The following AGTPBP1 variants were observed in gnomAD, a reference collection of about 807,000 sequenced individuals.
AGTPBP1 encodes the protein cytosolic carboxypeptidase 1.
In AGTPBP1, 70 loss-of-function variants were observed where a neutral mutation model predicts 143.9. That is an observed-to-expected ratio of 0.49 (90% confidence interval 0.40 to 0.59). AGTPBP1 has a LOEUF of 0.59. Among genes scored for constraint, AGTPBP1 ranks in the 20% least tolerant of loss-of-function variants. The probability of loss-of-function intolerance (pLI) is 0.00; values close to 1 mark genes in which losing one functional copy is unlikely to be tolerated. For synonymous variants in AGTPBP1, 463 were observed against 500.2 expected (o/e 0.93, Z 0.99); for missense variants, 1,229 against 1,464.5 (o/e 0.84, Z 2.62).
At position 85,683,817 on chromosome 9, in the gene AGTPBP1, T is replaced by C. The variant is rs947923994; in HGVS notation, c.158-2482A>G. ...AACATTTCTATTCATCTTTCCTTTATAAAGACTATATAAACCTCACTGTCA... is the reference window on the plus strand; with the variant it reads ...AACATTTCTATTCATCTTTCCTTTACAAAGACTATATAAACCTCACTGTCA... On this transcript the variant is annotated intron_variant, in intron 3 of 25. Transcript: ENST00000357081. Among the ~76,000 whole-genome samples, 5 of 152,258 alleles carry C rather than the reference T, an allele frequency of 3.3e-5. No homozygotes were observed. In the Middle Eastern group the frequency reaches 0.01, roughly 311 times the overall value.
the AGTPBP1 span, among the ~76,000 whole-genome samples, chr9:85,795,856 G>GTTTTTTTTTTTTTT: frequency 4.2e-5 from 3 of 70,670 alleles, no homozygotes; most frequent in African/African-American, 5.5e-5. Context: ...CTTCTTCTTA[G>GTTTTTTTTTTTTTT]TTTTTTTTTT....
intron 14 of AGTPBP1, among the ~76,000 whole-genome samples, chr9:85,631,541 A>ATTCTGATGCTATGATGTACGGGATG (rs1340477362): frequency 5.3e-5 from 8 of 152,340 alleles, no homozygotes; most frequent in Non-Finnish European, 1.0e-4. Context: ...TAAGTCCCCC[A>ATTCTGATGCTATGATGTACGGGATG]TTCTGATGCT....
At chr9:85,662,553 CAT>C (rs759620171) in intron 8 of AGTPBP1, among the ~76,000 whole-genome samples, 1 of 152,004 alleles carries the variant, frequency 6.6e-6, no homozygotes, top group Non-Finnish European at 1.5e-5. Context: ...ATGAATATTC[CAT>C]ATGAGACTGC....
chr9:85,636,124 A>G lies in AGTPBP1; in HGVS notation c.1303-2750T>C, dbSNP rs1411926333. On this transcript the variant is annotated intron_variant, in intron 13 of 25. Transcript: ENST00000357081. Reference sequence around the variant, plus strand: ...TACAATTCAACAAGGTAGAAGGAAAAAGAACCAAAAGAAACATTAGATATT... The same window carrying G: ...TACAATTCAACAAGGTAGAAGGAAAGAGAACCAAAAGAAACATTAGATATT... 3.9e-5 allele frequency among the ~76,000 whole-genome samples: 6 copies of G among 152,264 alleles called. No individual in the cohort carries two copies. The East Asian group carries it at 1.2e-3, about 29-fold the overall frequency.
chr9:85,675,486 T>A (rs1346313282), intron 6 of AGTPBP1, among the ~76,000 whole-genome samples: 2 of 152,164 alleles, frequency 1.3e-5, no homozygotes, highest in Non-Finnish European at 2.9e-5. Flanking sequence ...AGCACAAATA[T>A]GACTATTAAA....
chr9:85,624,293 G>C lies in AGTPBP1; in HGVS notation c.2016-3008C>G, dbSNP rs187874325. 1.6e-3 allele frequency among the ~76,000 whole-genome samples: 251 copies of C among 152,268 alleles called. 1 individual carries two copies. The highest frequency in any genetic ancestry group is 4.9e-3 in the African/African-American group (203 of 41,556). Reference sequence around the variant, plus strand: ...GTACATATATACGATCAACAGGATAGGCTCATGATATAGACCAGGGTTTGA... The same window carrying C: ...GTACATATATACGATCAACAGGATACGCTCATGATATAGACCAGGGTTTGA... On this transcript the variant is annotated intron_variant, in intron 14 of 25. Coordinates refer to ENST00000357081, the MANE Select transcript of AGTPBP1 (RefSeq NM_001330701.2).
At chr9:85,679,849 T>C (rs1416769375) in intron 4 of AGTPBP1, among the ~76,000 whole-genome samples, 1 of 152,344 alleles carries the variant, frequency 6.6e-6, no homozygotes, top group East Asian at 1.9e-4. Context: ...ATAGTTTCTA[T>C]TTCTTCATAC....
At chr9:85,699,042 A>G (rs1305438260) in intron 2 of AGTPBP1, among the ~76,000 whole-genome samples, 3 of 152,136 alleles carry the variant, frequency 2.0e-5, no homozygotes, top group African/African-American at 7.2e-5. Flanking sequence ...TGTAACTGTC[A>G]GTGTTATATA....
At chr9:85,616,302 G>C (rs1238279042) in intron 17 of AGTPBP1, among the ~76,000 whole-genome samples, 3 of 151,786 alleles carry the variant, frequency 2.0e-5, no homozygotes, top group Non-Finnish European at 4.4e-5. Context: ...AAATAAAGCA[G>C]CCATCTGTCC....
chr9:85,674,624 C>T (rs1465187288), intron 6 of AGTPBP1, among the ~76,000 whole-genome samples: 1 of 151,942 alleles, frequency 6.6e-6, no homozygotes, highest in Non-Finnish European at 1.5e-5. Context: ...AAATAAGAGA[C>T]AGCTAACATA....
chr9:85,768,822 G>C, the AGTPBP1 span, among the ~76,000 whole-genome samples: 4,066 of 151,454 alleles, frequency 0.027, 177 homozygotes, highest in African/African-American at 0.088. Flanking sequence ...CTGAGGCAGG[G>C]AGATCACCTG....
intron 1 of AGTPBP1, among the ~76,000 whole-genome samples, chr9:85,735,336 T>C (rs78625764): frequency 0.032 from 4,836 of 152,212 alleles, 103 homozygotes; most frequent in African/African-American, 0.053. Context: ...GTCAAATTCA[T>C]AGCAACAGAA....
In AGTPBP1 at chr9:85,600,250, C is replaced by G. The variant is rs183193243; in HGVS notation, c.2336-3801G>C. 1.8e-4 allele frequency among the ~76,000 whole-genome samples: 27 copies of G among 149,476 alleles called. 1 individual carries two copies. In the Middle Eastern group the frequency reaches 0.024, roughly 133 times the overall value. ...TATAAAATAAGTCTGCCTTCCTGAT[C>G]CCTTCCTGGGACTCAGTGAGCCACT... On this transcript the variant is annotated intron_variant, in intron 17 of 25. Transcript: ENST00000357081.
At chr9:85,586,369 T>A (rs532225046) in intron 22 of AGTPBP1, among the ~76,000 whole-genome samples, 1 of 152,188 alleles carries the variant, frequency 6.6e-6, no homozygotes, top group East Asian at 1.9e-4. Context: ...AGTTTTTCTA[T>A]CTTTCCTAAA....
chr9:85,705,982 G>A (rs951951072), intron 2 of AGTPBP1, among the ~76,000 whole-genome samples: 9 of 151,582 alleles, frequency 5.9e-5, no homozygotes, highest in South Asian at 2.1e-4. Flanking sequence ...GAGCCACCAC[G>A]CCTGGACTAT....
At chr9:85,643,160 G>GTT (rs1406601940) in intron 12 of AGTPBP1, among the ~76,000 whole-genome samples, 2 of 151,794 alleles carry the variant, frequency 1.3e-5, no homozygotes, top group African/African-American at 2.4e-5. Context: ...TTTTGTCATG[G>GTT]TTACTCTAAT....
rs935868243 is a variant in AGTPBP1 at position 85,632,910 on chromosome 9, T to C, written c.1767A>G (p.Leu589=). 2 of 1,614,164 alleles carry C rather than the reference T, an allele frequency of 1.2e-6. No individual in the cohort carries two copies. Among genetic ancestry groups the C allele is most frequent in the South Asian group, 2.2e-5 (2 of 91,090 alleles). ...CAACTCCAGTGCAGCAAAGCTTCCC[T>C]AGCTGAACTGTTCTTCCCTCAAACA... ...NVLFEGRTVQ[L]GKLCCTGVET... is the part of the protein sequence containing the mutation. The change falls in exon 14 of 26, where the codon CTA becomes CTG. Residue 589 remains leucine (L), a synonymous_variant. Coordinates refer to ENST00000357081, the MANE Select transcript of AGTPBP1 (RefSeq NM_001330701.2).
At chr9:85,769,479 A>G in the AGTPBP1 span, among the ~76,000 whole-genome samples, 3 of 144,672 alleles carry the variant, frequency 2.1e-5, no homozygotes, top group Non-Finnish European at 3.0e-5. Flanking sequence ...TGGGCCCAAG[A>G]GTTTGAGTTC....
intron 8 of AGTPBP1, among the ~76,000 whole-genome samples, chr9:85,667,590 C>T (rs1386385236): frequency 2.0e-5 from 3 of 152,000 alleles, no homozygotes; most frequent in African/African-American, 7.2e-5. Context: ...TGACATAAAA[C>T]AAAGTTGCCA....
Sources: gnomAD v4.1 joint callset for allele counts (sites outside exome capture counted in the v4.1 genomes callset) on GRCh38, gnomAD v4.1.1 for gene constraint, MANE v1.5 for transcripts, NCBI Gene and HGNC (gene_info 2026-07-23, HGNC 2026-07-21) for gene names.